The following CIMAP1A variants were observed in gnomAD, a reference collection of about 807,000 sequenced individuals.
CIMAP1A encodes the protein cancer/testis antigen 135.
At chr11:198,045 T>C in the CIMAP1A span, 1 of 1,541,600 alleles carries the variant, frequency 6.5e-7, no homozygotes, top group Admixed American at 2.0e-5. Flanking sequence ...AGTCAGCATT[T>C]CCATCCTGGA....
At chr11:197,473 G>C in the CIMAP1A span, 14 of 1,591,990 alleles carry the variant, frequency 8.8e-6, no homozygotes, top group Non-Finnish European at 9.4e-6. Flanking sequence ...TGGGGGTCCC[G>C]GGAAGGGCCT....
At chr11:198,885 A>AG in the CIMAP1A span, 1 of 1,271,072 alleles carries the variant, frequency 7.9e-7, no homozygotes, top group Non-Finnish European at 9.9e-7. Flanking sequence ...CATGGAAAGA[A>AG]GAGGAGGAGG....
the CIMAP1A span, chr11:200,220 C>T: frequency 1.7e-6 from 1 of 588,882 alleles, no homozygotes; most frequent in Non-Finnish European, 3.0e-6. Flanking sequence ...ATCTTGTTTT[C>T]TGCTGTGCCC....
chr11:199,719 GCCCACAGGTAA>G, the CIMAP1A span: 3 of 1,435,424 alleles, frequency 2.1e-6, no homozygotes, highest in Middle Eastern at 2.5e-4. Flanking sequence ...CCAGCACTAG[GCCCACAGGTAA>G]CCCTTCAGGG....
the CIMAP1A span, chr11:198,101 G>A: frequency 1.9e-6 from 3 of 1,552,072 alleles, no homozygotes; most frequent in Non-Finnish European, 2.6e-6. Context: ...GAGCCCAGAG[G>A]CCCCACGCCT....
chr11:197,616 G>T, the CIMAP1A span: 1 of 1,613,478 alleles, frequency 6.2e-7, no homozygotes, highest in Non-Finnish European at 8.5e-7. Flanking sequence ...GCTTCCGTGG[G>T]GCCCCCATGC....
the CIMAP1A span, chr11:197,775 T>A: frequency 6.2e-7 from 1 of 1,612,368 alleles, no homozygotes. Context: ...AGTGACCCTG[T>A]CTCAGGCTCC....
the CIMAP1A span, chr11:198,297 C>T: frequency 1.9e-6 from 3 of 1,613,936 alleles, no homozygotes. Flanking sequence ...GGACAGCACC[C>T]CAGGTCCGCA....
chr11:198,994 C>T, the CIMAP1A span: 4 of 1,185,040 alleles, frequency 3.4e-6, no homozygotes, highest in South Asian at 9.3e-5. Context: ...GCTTGAGGGG[C>T]CTGAGATGGG....
the CIMAP1A span, chr11:197,675 A>G: frequency 6.2e-7 from 1 of 1,613,716 alleles, no homozygotes; most frequent in South Asian, 1.1e-5. Context: ...GTAAACCCCA[A>G]GATACTGAGG....
the CIMAP1A span, chr11:199,512 C>G: frequency 1.3e-6 from 2 of 1,552,810 alleles, no homozygotes; most frequent in Non-Finnish European, 1.7e-6. Context: ...CTGAGAAGGT[C>G]CAGGAAGAGC....
chr11:199,577 A>G, the CIMAP1A span: 1 of 1,510,796 alleles, frequency 6.6e-7, no homozygotes, highest in Non-Finnish European at 8.9e-7. Flanking sequence ...GATGTGTAGG[A>G]AAGAGCAGGG....
At chr11:197,639 A>G in the CIMAP1A span, 2 of 1,613,566 alleles carry the variant, frequency 1.2e-6, no homozygotes, top group South Asian at 1.1e-5. Context: ...CTGGCAGAGA[A>G]CTGCTCCCCA....
the CIMAP1A span, chr11:199,563 G>T: frequency 6.5e-7 from 1 of 1,527,438 alleles, no homozygotes. Flanking sequence ...TCCTGGCCCA[G>T]AGGGATGTGT....
the CIMAP1A span, chr11:197,388 C>G: frequency 6.2e-7 from 1 of 1,601,030 alleles, no homozygotes. Flanking sequence ...GCCCTGGACC[C>G]AAGTACCTGA....
chr11:200,123 G>T, the CIMAP1A span: 1 of 1,368,426 alleles, frequency 7.3e-7, no homozygotes. Context: ...AGCTGGGCTG[G>T]GCCAGCCTGG....
chr11:199,533 G>A, the CIMAP1A span: 1 of 1,548,788 alleles, frequency 6.5e-7, no homozygotes, highest in Admixed American at 2.0e-5. Flanking sequence ...ACAGCTCAGA[G>A]GGGTCAGGGT....
At chr11:198,665 C>G in the CIMAP1A span, 1,049 of 1,533,704 alleles carry the variant, frequency 6.8e-4, 12 homozygotes, top group African/African-American at 0.013. Flanking sequence ...CCCACCAGTT[C>G]GGCCCTGCCT....
At chr11:199,359 T>C in the CIMAP1A span, 1 of 1,564,838 alleles carries the variant, frequency 6.4e-7, no homozygotes, top group Admixed American at 1.9e-5. Flanking sequence ...GAGCCTCCTT[T>C]ACCTCTCAGA....
Sources: gnomAD v4.1 joint callset for allele counts on GRCh38, gnomAD v4.1.1 for gene constraint, MANE v1.5 for transcripts, NCBI Gene and HGNC (gene_info 2026-07-23, HGNC 2026-07-21) for gene names.